The following OBSL1 variants were observed in gnomAD, a reference collection of about 807,000 sequenced individuals.
OBSL1 encodes obscurin like cytoskeletal adaptor 1.
Under a neutral mutation model 172.0 loss-of-function variants are expected in OBSL1, and 160 were observed. The ratio of observed to expected loss-of-function variants is 0.93; its 90% confidence interval spans 0.82 to 1.06. The LOEUF is 1.06. Among genes scored for constraint, OBSL1 ranks in the 50% least tolerant of loss-of-function variants. The pLI is 0.00. For missense variants in OBSL1, 2,681 were observed against 2,715.4 expected, an observed-to-expected ratio of 0.99 and a Z score of 0.28; for synonymous variants, 1,200 against 1,196.3, an observed-to-expected ratio of 1.00 and a Z score of -0.06.
Position 219,556,062 on chromosome 2 carries a change from C to T in OBSL1, c.4567G>A (p.Glu1523Lys), listed in dbSNP as rs368547852. The T allele has an allele frequency of 1.5e-4, 237 of 1,613,674 alleles. No homozygotes were observed. The highest frequency in any genetic ancestry group is 1.7e-4 in the Non-Finnish European group (202 of 1,179,890). ...GCCAGGGTGCGATCGTGGTGGCTCT[C>T]GCAGCCGTAGGTGCCCTGGTCGGCC... ...ILADQGTYGC[E>K]SHHDRTLARL... is the part of the protein sequence containing the mutation. Residue 1523 changes from glutamate (E) to lysine (K), a missense_variant, in exon 14 of 21, where the codon GAG becomes AAG. Glu to Lys is a moderately conservative substitution (Grantham distance 56). Coordinates refer to ENST00000404537, the MANE Select transcript of OBSL1 (RefSeq NM_015311.3).
At chr2:219,561,975 T>C (rs1415226063) in intron 8 of OBSL1, 1 of 717,578 alleles carries the variant, frequency 1.4e-6, no homozygotes, top group South Asian at 1.5e-5. Context: ...TAACTCCGGA[T>C]TGTTATTTGA....
chr2:219,547,712 C>G (rs762138282), downstream of OBSL1: 2 of 1,578,058 alleles, frequency 1.3e-6, 1 homozygote, highest in South Asian at 2.3e-5. Context: ...GGGGCTGCTG[C>G]TCGGCCTGCT....
rs2106119421 is a variant in OBSL1, at chr2:219,571,095, C to G, written c.138G>C (p.Glu46Asp). Residue 46 changes from glutamate to aspartate, a missense_variant, in exon 1 of 21, where the codon GAG (glutamate) becomes GAC (aspartate). By Grantham distance (45) the Glu-to-Asp change is conservative. Coordinates refer to ENST00000404537, the MANE Select transcript of OBSL1 (RefSeq NM_015311.3). ...LGEPPPVVVW[E>D]KGGQQLAASE... ...AGGCCGCCAGCTGCTGCCCGCCCTT[C>G]TCCCACACCACTACAGGCGGCGGCT... 6.8e-7 allele frequency: 1 copy of G among 1,465,514 alleles called. No individual in the cohort carries two copies. Among genetic ancestry groups the G allele is most frequent in the East Asian group, 2.9e-5 (1 of 33,970 alleles). 90.8% of individuals were successfully genotyped at this position (1,465,514 alleles called of 1,614,324 possible).
In OBSL1 at chr2:219,552,124, GT is replaced by G. The variant is rs794727230; in HGVS notation, c.5400del (p.Leu1801TrpfsTer30). On this transcript the variant is annotated frameshift_variant, in exon 19 of 21. Transcript: ENST00000404537. LOFTEE classifies it high-confidence loss of function. The part of the protein sequence containing the change: ...FQAGPAQSLA[L>X]LEVEALPLQM... ...CCCAGGTGCTTACCCTCCACTTCCA[GT>G]AGAGCCAGGGACTGGGCGGGCCCCG... is the stretch of plus-strand genomic sequence containing the variant. 5 of 1,610,164 alleles carry G rather than the reference GT, an allele frequency of 3.1e-6. No homozygotes were observed. In the Admixed American group the frequency reaches 8.4e-5, roughly 27 times the overall value.
At chr2:219,562,972 G>C in intron 7 of OBSL1, 1 of 510,552 alleles carries the variant, frequency 2.0e-6, no homozygotes, top group Non-Finnish European at 3.5e-6. Context: ...ATGAAGGGTG[G>C]AACTGATGAG....
chr2:219,555,348 A>G (rs1346391968), intron 14 of OBSL1: 1 of 154,284 alleles, frequency 6.5e-6, no homozygotes. Flanking sequence ...CCCAGGCTGG[A>G]ATGCCGTGAC....
rs373350581 is a variant in OBSL1, at chr2:219,568,202, G to A, written c.1135C>T (p.Arg379Trp). The change falls in exon 2 of 21, where the codon CGG becomes TGG. Residue 379 changes from arginine (R) to tryptophan (W), a missense_variant. Around this residue, in one of 5 missense-constraint regions of OBSL1, gnomAD observed 706 missense variants for 695.8 expected, o/e 1.01. Coordinates refer to ENST00000404537, the MANE Select transcript of OBSL1 (RefSeq NM_015311.3). This position sits in a 1 kb window ranked among gnomAD's most constrained non-coding sequence, Gnocchi z 4.1. Reference protein sequence around the residue: ...IPTAWFREDQRLLPCRKYEQI... With the variant: ...IPTAWFREDQWLLPCRKYEQI... ...TCGTACTTGCGGCAGGGCAGCAGCC[G>A]CTGGTCCTCACGGAACCAGGCCGTG... 1.9e-5 allele frequency: 31 copies of A among 1,613,466 alleles called. No individual in the cohort carries two copies. The highest frequency in any genetic ancestry group is 2.5e-5 in the Non-Finnish European group (29 of 1,179,882).
chr2:219,553,049 C>T (rs749531736), intron 16 of OBSL1, 25 bp from the exon 17 acceptor site: 33 of 1,460,900 alleles, frequency 2.3e-5, no homozygotes, highest in African/African-American at 1.5e-5. Flanking sequence ...TGCAGAGGGT[C>T]GGGGCGAGCC....
intron 6 of OBSL1, 34 bp from the exon 7 acceptor site, chr2:219,563,661 A>AC (rs762189012): frequency 2.5e-6 from 4 of 1,585,724 alleles, no homozygotes; most frequent in Non-Finnish European, 3.4e-6. Flanking sequence ...TTGCACAGAC[A>AC]CCCCCGCACA....
In OBSL1 at chr2:219,552,927, C is replaced by CCG; in HGVS notation, c.5085_5086dup (p.Gly1696AlafsTer18). 6.5e-7 allele frequency: 1 copy of CCG among 1,537,612 alleles called. No homozygotes were observed. The highest frequency in any genetic ancestry group is 8.7e-7 in the Non-Finnish European group (1 of 1,144,576). On this transcript the variant is annotated frameshift_variant, in exon 17 of 21. Coordinates refer to ENST00000404537, the MANE Select transcript of OBSL1 (RefSeq NM_015311.3). LOFTEE classifies it high-confidence loss of function. Reference sequence around the variant, plus strand: ...CGTCCCCACCGCGCAGCTGTAGGTCCCGGCGTCCGAGGGGCCGCAGCGTCG... The same window carrying CCG: ...CGTCCCCACCGCGCAGCTGTAGGTCCCGCGGCGTCCGAGGGGCCGCAGCGTCG...
intron 1 of OBSL1, 45 bp downstream of exon 1, chr2:219,570,176 G>C (rs1470071142): frequency 6.8e-7 from 1 of 1,460,436 alleles, no homozygotes; most frequent in African/African-American, 1.4e-5. Context: ...GGAGGGCCTC[G>C]GAGGACACTC....
In OBSL1 at chr2:219,558,444, A is replaced by G. The variant is rs780996145; in HGVS notation, c.3242T>C (p.Ile1081Thr). ...TVTVTAPPER[I>T]VHPAARSLDL... ...CAGGGAGCGGGCTGCCGGGTGCACA[A>G]TCCTCTCTGGTGGGGCTGGTGGGTG... Residue 1081 changes from isoleucine (I) to threonine (T), a missense_variant, in exon 10 of 21, where the codon ATT becomes ACT. By Grantham distance (89) the Ile-to-Thr change is moderately conservative (BLOSUM62 -1). Transcript: ENST00000404537. 9.5e-6 allele frequency: 15 copies of G among 1,585,268 alleles called. No homozygotes were observed. The highest frequency in any genetic ancestry group is 5.3e-5 in the Admixed American group (3 of 56,826).
At chr2:219,569,814 C>G (rs1003817314) in intron 1 of OBSL1, among the ~76,000 whole-genome samples, 1 of 152,226 alleles carries the variant, frequency 6.6e-6, no homozygotes, top group Non-Finnish European at 1.5e-5. Context: ...TACGTAGACT[C>G]AGCAATTTAC....
chr2:219,562,946 T>G, intron 7 of OBSL1: 2 of 545,568 alleles, frequency 3.7e-6, no homozygotes, highest in South Asian at 2.6e-5. Context: ...ATTCTCTGGG[T>G]TGGGACAGGG....
At position 219,563,711 on chromosome 2, in the gene OBSL1, C is replaced by T. The variant is rs1361359867; in HGVS notation, c.2408-84G>A. 3.4e-6 allele frequency: 5 copies of T among 1,462,832 alleles called. No homozygotes were observed. The East Asian group carries it at 1.1e-4, about 33-fold the overall frequency. The allele number at this position is 1,462,832 out of a possible 1,614,324, so 90.6% of individuals were successfully genotyped here. A position where few individuals can be genotyped will look rare whatever the true frequency, so the allele number is the denominator to read the frequency against. ...GCTGTGTGGCCAGGAGACACTGTTT[C>T]TGCACAAGAGGACACTGGAGGAGGG... On this transcript the variant is annotated intron_variant, in intron 6 of 20. Transcript: ENST00000404537.
intron 5 of OBSL1, among the ~76,000 whole-genome samples, chr2:219,565,810 G>A (rs1319063302): frequency 6.6e-6 from 1 of 152,170 alleles, no homozygotes; most frequent in Non-Finnish European, 1.5e-5. Context: ...ATGCTGCTCT[G>A]GTTGCTGGTC....
chr2:219,570,840 G>A lies in OBSL1; in HGVS notation c.393C>T (p.Leu131=), dbSNP rs2106117705. 2.8e-6 allele frequency: 4 copies of A among 1,452,732 alleles called. No homozygotes were observed. The highest frequency in any genetic ancestry group is 2.8e-5 in the South Asian group (2 of 71,304). 90.0% of individuals were successfully genotyped at this position (1,452,732 alleles called of 1,614,324 possible). The stretch of plus-strand genomic sequence containing the variant: ...GCACCCACTGGGATCGAGGCCCCGT[G>A]AGGAAGACCGGGGCGCCCTCCCCGG... ...PGSGEGAPVF[L]TGPRSQWVLR... is the part of the protein sequence containing the mutation. The change falls in exon 1 of 21, where the codon CTC becomes CTT. Residue 131 remains leucine, a synonymous_variant. Transcript: ENST00000404537.
At chr2:219,561,590 G>A (rs1003151689) in intron 8 of OBSL1, 12 of 441,648 alleles carry the variant, frequency 2.7e-5, no homozygotes, top group Non-Finnish European at 4.2e-5. Context: ...AGAGGGAAGC[G>A]GCCGTGTCTG....
At chr2:219,551,853 G>A in intron 19 of OBSL1, 55 bp from the exon 20 acceptor site, 2 of 1,107,078 alleles carry the variant, frequency 1.8e-6, no homozygotes, top group Admixed American at 3.9e-5. Context: ...GCCCCCAGGA[G>A]GAGAGATGCA....
Sources: allele counts gnomAD v4.1 joint callset (sites outside exome capture counted in the v4.1 genomes callset), GRCh38; gene constraint gnomAD v4.1.1; regional missense constraint gnomAD v4.1.1; non-coding constraint Gnocchi (gnomAD v3.1); transcripts MANE v1.5; gene names NCBI Gene and HGNC (gene_info 2026-07-23, HGNC 2026-07-21).